Variants in CSMD1 observed in about 807,000 individuals in gnomAD.
CSMD1 encodes CUB and Sushi multiple domains 1.
A neutral mutation model predicts 417.5 loss-of-function variants in CSMD1; 213 were observed. That is an observed-to-expected ratio of 0.51 (90% CI 0.46 to 0.57). The LOEUF is 0.57. Among genes scored for constraint, CSMD1 ranks in the 20% least tolerant of loss-of-function variants. The pLI is 0.00. For synonymous variants in CSMD1, 2,862 were observed against 1,736.8 expected (o/e 1.65, Z -16.11); for missense variants, 6,923 against 4,529.7 (o/e 1.53, Z -15.17).
chr8:4,225,128 T>C (rs986277282), intron 3 of CSMD1, among the ~76,000 whole-genome samples: 1 of 152,088 alleles, frequency 6.6e-6, no homozygotes, highest in South Asian at 2.1e-4. Flanking sequence ...AGAAAAATCC[T>C]GAAATTCATT....
chr8:4,144,176 G>T (rs574218234), intron 3 of CSMD1, among the ~76,000 whole-genome samples: 1 of 150,936 alleles, frequency 6.6e-6, no homozygotes, highest in Non-Finnish European at 1.5e-5. Flanking sequence ...AAGACAGCAC[G>T]AATTGGCCTT....
At chr8:4,792,513 C>T (rs924011955) in intron 1 of CSMD1, among the ~76,000 whole-genome samples, 4 of 152,144 alleles carry the variant, frequency 2.6e-5, no homozygotes, top group African/African-American at 9.7e-5. Context: ...GTTGTGGTTG[C>T]TGTCTGTGCT....
At chr8:4,598,272 T>C (rs10503265) in intron 2 of CSMD1, among the ~76,000 whole-genome samples, 74,797 of 152,038 alleles carry the variant, frequency 0.49, 19,806 homozygotes, top group Non-Finnish European at 0.59. Flanking sequence ...TCAAACACAA[T>C]GATGATTTGG....
intron 1 of CSMD1, among the ~76,000 whole-genome samples, chr8:4,908,722 CCAT>C (rs1805467074): frequency 8.0e-4 from 1 of 1,256 alleles, no homozygotes; most frequent in Non-Finnish European, 1.4e-3. Flanking sequence ...ATTTCTGTCA[CCAT>C]GTTATTTTCT....
At position 4,851,267 on chromosome 8, in the gene CSMD1, G is replaced by A. The variant is rs556103161; in HGVS notation, c.85+143065C>T. Among the ~76,000 whole-genome samples, 4 of 151,976 alleles carry A rather than the reference G, an allele frequency of 2.6e-5. No individual in the cohort carries two copies. In the East Asian group the frequency reaches 5.8e-4, roughly 22 times the overall value. Reference sequence around the variant, plus strand: ...CCAGCTTCATCCATGTCCCTACAAAGGACATGAACTCATCATTTTTTATGA... The same window carrying A: ...CCAGCTTCATCCATGTCCCTACAAAAGACATGAACTCATCATTTTTTATGA... On this transcript the variant is annotated intron_variant, in intron 1 of 69. Coordinates refer to ENST00000635120, the MANE Select transcript of CSMD1 (RefSeq NM_033225.6).
rs1158678917 is a variant in CSMD1, at chr8:4,333,281, T to G, written c.415+86672A>C. 2.0e-5 allele frequency among the ~76,000 whole-genome samples: 3 copies of G among 152,220 alleles called. No individual in the cohort carries two copies. The East Asian group carries it at 5.8e-4, about 29-fold the overall frequency. Reference sequence around the variant, plus strand: ...TAAAGCCAATCCTGACGCTAAGTCCTCACCTGAAAGAAGCGTCTCAGATGC... The same window carrying G: ...TAAAGCCAATCCTGACGCTAAGTCCGCACCTGAAAGAAGCGTCTCAGATGC... On this transcript the variant is annotated intron_variant, in intron 3 of 69. Coordinates refer to ENST00000635120, the MANE Select transcript of CSMD1 (RefSeq NM_033225.6).
chr8:3,186,294 T>C (rs753739857), intron 36 of CSMD1, among the ~76,000 whole-genome samples: 13 of 152,156 alleles, frequency 8.5e-5, no homozygotes, highest in East Asian at 1.9e-4. Flanking sequence ...GGAAGAGCTA[T>C]GTGGTCAGGG....
chr8:3,380,969 T>C (rs1034490572), intron 18 of CSMD1, among the ~76,000 whole-genome samples: 21 of 152,256 alleles, frequency 1.4e-4, no homozygotes, highest in African/African-American at 5.1e-4. Context: ...AATTTGGGGA[T>C]GGTACTTGAA....
At chr8:4,442,488 T>C (rs901814848) in intron 2 of CSMD1, among the ~76,000 whole-genome samples, 5 of 152,138 alleles carry the variant, frequency 3.3e-5, no homozygotes, top group African/African-American at 7.2e-5. Context: ...ATTACATCTG[T>C]TATGTATATA....
chr8:3,505,802 T>A (rs1336172991), intron 10 of CSMD1, among the ~76,000 whole-genome samples: 1 of 152,164 alleles, frequency 6.6e-6, no homozygotes, highest in Non-Finnish European at 1.5e-5. Flanking sequence ...TATTTACAGA[T>A]TTTTAAATGT....
At chr8:3,166,310 C>T (rs554868986) in intron 37 of CSMD1, among the ~76,000 whole-genome samples, 2 of 152,244 alleles carry the variant, frequency 1.3e-5, no homozygotes, top group East Asian at 3.9e-4. Context: ...GCAGGCAGAT[C>T]ACCTGAGGTC....
chr8:3,285,724 C>G (rs1803100042), intron 25 of CSMD1, among the ~76,000 whole-genome samples: 1 of 151,882 alleles, frequency 6.6e-6, no homozygotes, highest in Non-Finnish European at 1.5e-5. Context: ...AACAAAAAAT[C>G]TTATACATGC....
Position 3,468,720 on chromosome 8 carries a change from A to G in CSMD1, c.1553T>C (p.Val518Ala). ...GTGTAATCTCATCATACCTTGGTAA[A>G]CAGCTTTAAACCCAGGTGAGCCAAT... is the stretch of plus-strand genomic sequence containing the variant. ...DSIGSPGFKAVYQEIEKGGCG... is the reference protein window; with the variant it reads ...DSIGSPGFKAAYQEIEKGGCG... The change falls in exon 12 of 70, where the codon GTT becomes GCT. Residue 518 changes from valine to alanine, a missense_variant. Transcript: ENST00000635120. 6.3e-7 allele frequency: 1 copy of G among 1,598,664 alleles called. No homozygotes were observed. The highest frequency in any genetic ancestry group is 8.5e-7 in the Non-Finnish European group (1 of 1,171,500).
At position 4,446,317 on chromosome 8, in the gene CSMD1, A is replaced by G. The variant is rs79879385; in HGVS notation, c.303-26252T>C. ...AATCCTGCTTCTTTGGGAGCCCAGCATGGGTGGATCGCTTGAGCCCAGGAG... is the reference window on the plus strand; with the variant it reads ...AATCCTGCTTCTTTGGGAGCCCAGCGTGGGTGGATCGCTTGAGCCCAGGAG... On this transcript the variant is annotated intron_variant, in intron 2 of 69. Coordinates refer to ENST00000635120, the MANE Select transcript of CSMD1 (RefSeq NM_033225.6). Among the ~76,000 whole-genome samples, 1,275 of 152,272 alleles carry G rather than the reference A, an allele frequency of 8.4e-3. 22 individuals are homozygous for G. The highest frequency in any genetic ancestry group is 0.029 in the African/African-American group (1,217 of 41,566).
intron 3 of CSMD1, among the ~76,000 whole-genome samples, chr8:4,194,941 T>C (rs1799243615): frequency 1.3e-5 from 2 of 151,760 alleles, no homozygotes; most frequent in African/African-American, 4.9e-5. Context: ...AGGTGATTAG[T>C]CCCCGGGTGA....
At chr8:4,767,015 G>C (rs979041699) in intron 1 of CSMD1, among the ~76,000 whole-genome samples, 19 of 152,286 alleles carry the variant, frequency 1.2e-4, no homozygotes, top group African/African-American at 4.3e-4. Context: ...TTGGAAAAAT[G>C]TACTATGGAT....
intron 1 of CSMD1, among the ~76,000 whole-genome samples, chr8:4,675,614 A>G: frequency 6.6e-6 from 1 of 151,810 alleles, no homozygotes; most frequent in South Asian, 2.1e-4. Context: ...TACAATGAGG[A>G]CAGAATAAAC....
At chr8:4,106,784 G>T (rs934696247) in intron 3 of CSMD1, among the ~76,000 whole-genome samples, 7 of 152,120 alleles carry the variant, frequency 4.6e-5, no homozygotes, top group Middle Eastern at 3.2e-3. Context: ...CACAGTGGCT[G>T]ACGGCGATGG....
In CSMD1 at chr8:4,010,253, C is replaced by G. The variant is rs143092082; in HGVS notation, c.611-12143G>C. The stretch of plus-strand genomic sequence containing the variant: ...TGGCTACTTCCAGGTGACTCATGGT[C>G]TTCCCTCCCTCATGTGCCCAGCTTT... On this transcript the variant is annotated intron_variant, in intron 4 of 69. Transcript: ENST00000635120. 7.9e-5 allele frequency among the ~76,000 whole-genome samples: 12 copies of G among 152,182 alleles called. No individual in the cohort carries two copies. The East Asian group carries it at 1.9e-3, about 25-fold the overall frequency.
Sources: gnomAD v4.1 joint callset for allele counts (sites outside exome capture counted in the v4.1 genomes callset) on GRCh38, gnomAD v4.1.1 for gene constraint, MANE v1.5 for transcripts, NCBI Gene and HGNC (gene_info 2026-07-23, HGNC 2026-07-21) for gene names.